ACTA2: variants seen among roughly 807,000 people sequenced by gnomAD.
ACTA2 encodes actin alpha 2, smooth muscle.
ACTA2 carries 12 observed loss-of-function variants against 39.5 expected under a neutral mutation model. The ratio of observed to expected loss-of-function variants is 0.30; its 90% CI spans 0.19 to 0.49. The LOEUF (loss-of-function observed/expected upper bound fraction) is 0.49, where lower values mean the gene tolerates loss of function less well. Among genes scored for constraint, ACTA2 ranks in the 20% least tolerant of loss-of-function variants. The pLI is 0.99. For missense variants in ACTA2, 236 were observed against 498.8 expected, an observed-to-expected ratio of 0.47 and a Z score of 5.02; for synonymous variants, 158 against 180.6, an observed-to-expected ratio of 0.88 and a Z score of 1.00.
chr10:88,951,697 T>C (rs984489702), intron 1 of ACTA2, among the ~76,000 whole-genome samples: 2 of 152,150 alleles, frequency 1.3e-5, no homozygotes, highest in Non-Finnish European at 2.9e-5. Context: ...TGTCTGCTTT[T>C]GGAACTGCAC....
At chr10:88,948,627 C>T in intron 2 of ACTA2, 175 bp downstream of exon 2, 1 of 795,230 alleles carries the variant, frequency 1.3e-6, no homozygotes, top group East Asian at 2.6e-5. Flanking sequence ...ATCAGATAAT[C>T]TGTCTACATT....
At chr10:88,965,833 AATT>A (rs1216384293) in intron 1 of ACTA2, among the ~76,000 whole-genome samples, 1 of 152,156 alleles carries the variant, frequency 6.6e-6, no homozygotes, top group African/African-American at 2.4e-5. Flanking sequence ...GCTTTTAACT[AATT>A]ATTGATCACC....
chr10:88,962,302 T>A (rs1375463233), intron 1 of ACTA2, among the ~76,000 whole-genome samples: 1 of 152,182 alleles, frequency 6.6e-6, no homozygotes, highest in East Asian at 1.9e-4. Context: ...GGTCTTCAGT[T>A]TGTAAATTCT....
At chr10:88,988,842 G>A (rs1267747903) in intron 1 of ACTA2, among the ~76,000 whole-genome samples, 1 of 152,172 alleles carries the variant, frequency 6.6e-6, no homozygotes, top group African/African-American at 2.4e-5. Flanking sequence ...AGGGCCCTGA[G>A]AAGTTTTGGA....
intron 4 of ACTA2, among the ~76,000 whole-genome samples, chr10:88,943,136 T>C (rs558855250): frequency 6.6e-6 from 1 of 152,320 alleles, no homozygotes; most frequent in East Asian, 1.9e-4. Context: ...AAGTATAGAA[T>C]TGACACTAGA....
At chr10:88,952,298 C>T (rs1390706120) in intron 1 of ACTA2, among the ~76,000 whole-genome samples, 6 of 152,200 alleles carry the variant, frequency 3.9e-5, no homozygotes, top group African/African-American at 1.4e-4. Flanking sequence ...TTCCAGACAC[C>T]TAAGCTGCAC....
In ACTA2 at chr10:88,935,137, G is replaced by A. The variant is rs1021650257; in HGVS notation, c.*86C>T. On this transcript the variant is annotated 3_prime_UTR_variant, in exon 9 of 9. Transcript: ENST00000224784. ...AGGTAACGAGTCAGAGCTTTGGCTA[G>A]GAATGATTTGGAAAAGAACTGAAGG... The A allele has an allele frequency of 7.6e-6, 12 of 1,570,148 alleles. No homozygotes were observed. The highest frequency in any genetic ancestry group is 1.0e-5 in the Non-Finnish European group (12 of 1,144,540).
chr10:88,976,862 A>G (rs573102469), intron 1 of ACTA2, among the ~76,000 whole-genome samples: 4 of 152,340 alleles, frequency 2.6e-5, no homozygotes, highest in South Asian at 4.1e-4. Context: ...ATTAAATATT[A>G]TTAGAGCTTC....
At position 88,990,803 on chromosome 10, in the gene ACTA2, C is replaced by T. The variant is rs1439962148; in HGVS notation, c.-24+136G>A. ...GGCTGCCCAGGCGGAGCTGCCTCTT[C>T]TCCCGCGGGTTGGTGGACCCGCTCA... On this transcript the variant is annotated intron_variant, in intron 1 of 4. Coordinates refer to the ACTA2 transcript ENST00000415557. The surrounding 1 kb of genome is among the most constrained non-coding windows in gnomAD (Gnocchi z 4.9). The T allele has an allele frequency of 6.2e-7, 1 of 1,604,324 alleles. No homozygotes were observed. The highest frequency in any genetic ancestry group is 8.5e-7 in the Non-Finnish European group (1 of 1,171,374).
At position 88,940,174 on chromosome 10, in the gene ACTA2, T is replaced by C. The variant is rs1330462353; in HGVS notation, c.617-476A>G. The C allele has an allele frequency of 1.3e-5, 3 of 239,632 alleles. No individual in the cohort carries two copies. The East Asian group carries it at 3.2e-4, about 25-fold the overall frequency. The allele number at this position is 239,632 out of a possible 1,614,324, so 14.8% of individuals were successfully genotyped here. ...AGATCCTGTTGCCTGGGCCAGTGGA[T>C]AGCAGGTTAAACCTTTGGCACATTT... is the stretch of plus-strand genomic sequence containing the variant. On this transcript the variant is annotated intron_variant, in intron 6 of 8. Coordinates refer to ENST00000224784, the MANE Select transcript of ACTA2 (RefSeq NM_001613.4).
upstream of ACTA2, among the ~76,000 whole-genome samples, chr10:88,954,317 A>G (rs974162741): frequency 3.3e-5 from 5 of 152,228 alleles, no homozygotes; most frequent in African/African-American, 1.2e-4. Context: ...AAATCATAAC[A>G]GGATTTCTCT....
intron 1 of ACTA2, among the ~76,000 whole-genome samples, chr10:88,985,459 T>G (rs11202921): frequency 0.28 from 41,862 of 152,200 alleles, 6,149 homozygotes; most frequent in Non-Finnish European, 0.32. Flanking sequence ...GAAAACCACC[T>G]ATGTCTCCTT....
chr10:88,984,017 T>A (rs925072067), intron 1 of ACTA2, among the ~76,000 whole-genome samples: 10 of 152,106 alleles, frequency 6.6e-5, no homozygotes, highest in African/African-American at 2.2e-4. Flanking sequence ...GTAGAGTTTG[T>A]GGGGAGGTTT....
intron 1 of ACTA2, among the ~76,000 whole-genome samples, chr10:88,976,609 T>G (rs961298156): frequency 1.7e-4 from 26 of 152,358 alleles, no homozygotes; most frequent in African/African-American, 6.0e-4. Context: ...ATATCTCTAA[T>G]GTACCCTGAA....
At chr10:88,991,023 T>A (rs1847156816) in exon 1 of ACTA2, 2 of 1,430,336 alleles carry the variant, frequency 1.4e-6, no homozygotes, top group Middle Eastern at 1.9e-4. Flanking sequence ...CGCGGGCACC[T>A]GGGAGCGGCG....
chr10:88,983,122 A>G (rs1846752164), intron 1 of ACTA2, among the ~76,000 whole-genome samples: 1 of 152,220 alleles, frequency 6.6e-6, no homozygotes, highest in Non-Finnish European at 1.5e-5. Flanking sequence ...ACTGAGTTAG[A>G]GTGTGGAGTT....
At chr10:88,959,544 A>T (rs553717658) in intron 1 of ACTA2, among the ~76,000 whole-genome samples, 1 of 152,338 alleles carries the variant, frequency 6.6e-6, no homozygotes, top group East Asian at 1.9e-4. Flanking sequence ...TCCAAAATAA[A>T]CTTTTCATAT....
At chr10:88,991,173 G>A in exon 1 of ACTA2, 1 of 582,950 alleles carries the variant, frequency 1.7e-6, no homozygotes, top group Non-Finnish European at 3.1e-6. Context: ...AGGCGGGGCA[G>A]CTCCGGCGCT....
intron 8 of ACTA2, among the ~76,000 whole-genome samples, chr10:88,936,838 T>G (rs1244390518): frequency 6.6e-6 from 1 of 152,224 alleles, no homozygotes. Context: ...CAGTTTCATT[T>G]TTGCCAAATG....
Sources: gnomAD v4.1 joint callset for allele counts (sites outside exome capture counted in the v4.1 genomes callset) on GRCh38, gnomAD v4.1.1 for gene constraint, Gnocchi (gnomAD v3.1) non-coding constraint, MANE v1.5 for transcripts, NCBI Gene and HGNC (gene_info 2026-07-23, HGNC 2026-07-21) for gene names.